GPR18: variants seen among roughly 807,000 people sequenced by gnomAD.
GPR18 encodes N-arachidonyl glycine receptor.
A neutral mutation model predicts 22.8 loss-of-function variants in GPR18; 20 were observed. That is an observed-to-expected ratio of 0.88 (90% CI 0.62 to 1.28). The LOEUF is 1.28. Among genes scored for constraint, GPR18 ranks in the 50% most tolerant of loss-of-function variants. The pLI is 0.00. For synonymous variants in GPR18, 160 were observed against 155.3 expected (o/e 1.03, Z -0.22); for missense variants, 379 against 412.0 (o/e 0.92, Z 0.69).
rs779593606 is a variant in GPR18 at position 99,255,228 on chromosome 13, A to G, written c.645T>C (p.Leu215=). ...GTTTCAGCTTAGACGTCCTGCCGTG[A>G]AGGAGATTATGAATAATGACCAAGT... is the stretch of plus-strand genomic sequence containing the variant. ...GCYLVIIHNL[L]HGRTSKLKPK... Residue 215 remains leucine, a synonymous_variant, in exon 2 of 2, where the codon CTT becomes CTC. Coordinates refer to ENST00000397470, the MANE Select transcript of GPR18 (RefSeq NM_001098200.2). 8.1e-6 allele frequency: 13 copies of G among 1,614,036 alleles called. No homozygotes were observed. Among genetic ancestry groups the G allele is most frequent in the African/African-American group, 1.3e-5 (1 of 74,912 alleles).
At position 99,254,988 on chromosome 13, in the gene GPR18, A is replaced by G; in HGVS notation, c.885T>C (p.Ala295=). ...LYYIVSKQFQ[A]RVISVMLYRN... Reference sequence around the variant, plus strand: ...GGTATAGCATGACACTAATGACTCGAGCCTGAAATTGTTTTGAAACGATGT... The same window carrying G: ...GGTATAGCATGACACTAATGACTCGGGCCTGAAATTGTTTTGAAACGATGT... Residue 295 remains alanine (A), a synonymous_variant, in exon 2 of 2, where the codon GCT becomes GCC. Transcript: ENST00000397470. The G allele has an allele frequency of 6.2e-7, 1 of 1,614,128 alleles. No individual in the cohort carries two copies. Among genetic ancestry groups the G allele is most frequent in the Non-Finnish European group, 8.5e-7 (1 of 1,180,022 alleles).
In GPR18 at chr13:99,255,891, G is replaced by C. The variant is rs370686759; in HGVS notation, c.-19C>G. 3 of 1,513,950 alleles carry C rather than the reference G, an allele frequency of 2.0e-6. No homozygotes were observed. The highest frequency in any genetic ancestry group is 4.7e-5 in the Admixed American group (2 of 42,630). 93.8% of individuals were successfully genotyped at this position (1,513,950 alleles called of 1,614,324 possible). A position where few individuals can be genotyped will look rare whatever the true frequency, so the allele number is the denominator to read the frequency against. On this transcript the variant is annotated 5_prime_UTR_variant, in exon 2 of 2. Transcript: ENST00000397470. ...TGATCATTTTACAGCTTGTTGGTAG[G>C]CATGATACTTAGAAACTGTAAAAAT...
Position 99,254,754 on chromosome 13 carries a change from A to G in GPR18, c.*123T>C. The G allele has an allele frequency of 1.4e-6, 1 of 723,584 alleles. No homozygotes were observed. The highest frequency in any genetic ancestry group is 2.2e-6 in the Non-Finnish European group (1 of 452,104). 44.8% of individuals were successfully genotyped at this position (723,584 alleles called of 1,614,324 possible). On this transcript the variant is annotated 3_prime_UTR_variant, in exon 2 of 2. Coordinates refer to ENST00000397470, the MANE Select transcript of GPR18 (RefSeq NM_001098200.2). Reference sequence around the variant, plus strand: ...ATGTTTTATATAAGTTTTTAAAATGAAGATAATGAATTTATTTTTTCAAGA... The same window carrying G: ...ATGTTTTATATAAGTTTTTAAAATGGAGATAATGAATTTATTTTTTCAAGA...
At position 99,255,191 on chromosome 13, in the gene GPR18, C is replaced by G; in HGVS notation, c.682G>C (p.Glu228Gln). 1 of 1,614,014 alleles carries G rather than the reference C, an allele frequency of 6.2e-7. No individual in the cohort carries two copies. Among genetic ancestry groups the G allele is most frequent in the Middle Eastern group, 1.6e-4 (1 of 6,062 alleles). Residue 228 changes from glutamate to glutamine, a missense_variant, in exon 2 of 2, where the codon GAG (glutamate) becomes CAG (glutamine). By Grantham distance (29) the Glu-to-Gln change is conservative. Transcript: ENST00000397470. Reference protein sequence around the residue: ...RTSKLKPKVKEKSIRIIITLL... With the variant: ...RTSKLKPKVKQKSIRIIITLL... ...GTGATGATGATCCTTATGGACTTCT[C>G]CTTGACTTTGGGTTTCAGCTTAGAC...
rs2043537426 is a variant in GPR18 at position 99,255,580 on chromosome 13, C to T, written c.293G>A (p.Gly98Glu). The T allele has an allele frequency of 1.2e-6, 2 of 1,614,096 alleles. No individual in the cohort carries two copies. Among genetic ancestry groups the T allele is most frequent in the Middle Eastern group, 1.6e-4 (1 of 6,062 alleles). The change falls in exon 2 of 2, where the codon GGA becomes GAA. Residue 98 changes from glycine (G) to glutamate (E), a missense_variant. Gly to Glu is a moderately conservative substitution (Grantham distance 98). Coordinates refer to ENST00000397470, the MANE Select transcript of GPR18 (RefSeq NM_001098200.2). ...PFGEYFCQIL[G>E]ALTVFYPSIA... ...GCTTGGGTAAAACACTGTGAGAGCT[C>T]CAAGAATCTGGCAGAAGTACTCTCC... is the stretch of plus-strand genomic sequence containing the variant.
chr13:99,254,898 A>G lies in GPR18; in HGVS notation c.975T>C (p.Asn325=), dbSNP rs567962939. Residue 325 remains asparagine, a synonymous_variant, in exon 2 of 2, where the codon AAT becomes AAC. Transcript: ENST00000397470. ...TTATTCATAACATTTCACTGTTTAT[A>G]TTGCTTAGTGACCGTAGACTACCAG... ...FRSGSLRSLS[N]INSEML is the part of the protein sequence containing the mutation. 3.2e-5 allele frequency: 51 copies of G among 1,613,372 alleles called. No individual in the cohort carries two copies. In the South Asian group the frequency reaches 4.5e-4, roughly 14 times the overall value.
chr13:99,256,862 T>C (rs896054092), intron 1 of GPR18, among the ~76,000 whole-genome samples: 6 of 152,298 alleles, frequency 3.9e-5, no homozygotes, highest in African/African-American at 1.4e-4. Context: ...ATGGAATCTG[T>C]GGCATCCCCT....
chr13:99,257,197 T>A (rs937482623), intron 1 of GPR18, among the ~76,000 whole-genome samples: 29 of 152,152 alleles, frequency 1.9e-4, no homozygotes, highest in Non-Finnish European at 2.6e-4. Flanking sequence ...ACATATTAAA[T>A]TTTCCAAATA....
chr13:99,255,333 A>G lies in GPR18; in HGVS notation c.540T>C (p.Tyr180=), dbSNP rs777481240. ...ATCLKISDII[Y]LKAVNVLNLT... ...GGTTCAGCACGTTCACAGCTTTTAG[A>G]TAGATGATGTCAGAAATCTTGAGGC... Residue 180 remains tyrosine (Y), a synonymous_variant, in exon 2 of 2, where the codon TAT becomes TAC. Coordinates refer to ENST00000397470, the MANE Select transcript of GPR18 (RefSeq NM_001098200.2). 5 of 1,614,012 alleles carry G rather than the reference A, an allele frequency of 3.1e-6. No homozygotes were observed. The highest frequency in any genetic ancestry group is 3.3e-5 in the Admixed American group (2 of 60,004).
intron 1 of GPR18, among the ~76,000 whole-genome samples, chr13:99,256,975 G>A (rs1469151302): frequency 2.0e-5 from 3 of 152,128 alleles, no homozygotes; most frequent in African/African-American, 7.2e-5. Flanking sequence ...AAACTATGGG[G>A]GAGATTTGCT....
At chr13:99,257,397 A>G (rs1566472501) in intron 1 of GPR18, among the ~76,000 whole-genome samples, 1 of 152,118 alleles carries the variant, frequency 6.6e-6, no homozygotes, top group Non-Finnish European at 1.5e-5. Flanking sequence ...TTTTTTTAGT[A>G]TTGCATCAGG....
chr13:99,255,930 A>G (rs753500305), intron 1 of GPR18, 24 bp from the exon 2 acceptor site: 6 of 1,455,000 alleles, frequency 4.1e-6, no homozygotes, highest in Non-Finnish European at 5.5e-6. Flanking sequence ...TAAGAAAAAT[A>G]AGAATAAAAT....
rs1333859859 is a variant in GPR18 at position 99,255,201 on chromosome 13, G to A, written c.672C>T (p.Pro224=). The change falls in exon 2 of 2, where the codon CCC becomes CCT. Residue 224 remains proline, a synonymous_variant. Coordinates refer to ENST00000397470, the MANE Select transcript of GPR18 (RefSeq NM_001098200.2). ...TCCTTATGGACTTCTCCTTGACTTT[G>A]GGTTTCAGCTTAGACGTCCTGCCGT... The part of the protein sequence containing the change: ...LLHGRTSKLK[P]KVKEKSIRII... 3.1e-6 allele frequency: 5 copies of A among 1,613,936 alleles called. No homozygotes were observed. The African/African-American group carries it at 5.3e-5, about 17-fold the overall frequency.
chr13:99,257,756 A>G (rs1404183019), intron 1 of GPR18, among the ~76,000 whole-genome samples: 1 of 152,238 alleles, frequency 6.6e-6, no homozygotes, highest in Non-Finnish European at 1.5e-5. Flanking sequence ...AAAACATGTG[A>G]TGAACATTCC....
intron 1 of GPR18, among the ~76,000 whole-genome samples, chr13:99,257,373 TG>T (rs1172033968): frequency 1.3e-5 from 2 of 152,218 alleles, no homozygotes; most frequent in Admixed American, 6.5e-5. Context: ...AATGAAATTT[TG>T]TATTTGTTTT....
rs374546166 is a variant in GPR18 at position 99,255,504 on chromosome 13, A to G, written c.369T>C (p.Ile123=). ...GTTCTTTGGCGTACTTCGGCTGTACAATGGCCATGTATCTGTCAGCACTAA... is the reference window on the plus strand; with the variant it reads ...GTTCTTTGGCGTACTTCGGCTGTACGATGGCCATGTATCTGTCAGCACTAA... ...AFISADRYMA[I]VQPKYAKELK... is the part of the protein sequence containing the mutation. Residue 123 remains isoleucine, a synonymous_variant, in exon 2 of 2, where the codon ATT becomes ATC. Coordinates refer to ENST00000397470, the MANE Select transcript of GPR18 (RefSeq NM_001098200.2). The G allele has an allele frequency of 2.5e-4, 398 of 1,614,008 alleles. No individual in the cohort carries two copies. The highest frequency in any genetic ancestry group is 3.3e-4 in the Middle Eastern group (2 of 6,084).
At position 99,255,186 on chromosome 13, in the gene GPR18, C is replaced by G; in HGVS notation, c.687G>C (p.Lys229Asn). The stretch of plus-strand genomic sequence containing the variant: ...GCAGCGTGATGATGATCCTTATGGA[C>G]TTCTCCTTGACTTTGGGTTTCAGCT... ...TSKLKPKVKEKSIRIIITLLV... is the reference protein window; with the variant it reads ...TSKLKPKVKENSIRIIITLLV... Residue 229 changes from lysine to asparagine, a missense_variant, in exon 2 of 2, where the codon AAG becomes AAC. By Grantham distance (94) the Lys-to-Asn change is moderately conservative (BLOSUM62 0). Coordinates refer to ENST00000397470, the MANE Select transcript of GPR18 (RefSeq NM_001098200.2). The G allele has an allele frequency of 6.2e-7, 1 of 1,614,076 alleles. No homozygotes were observed. The highest frequency in any genetic ancestry group is 8.5e-7 in the Non-Finnish European group (1 of 1,180,018).
chr13:99,255,658 A>G lies in GPR18; in HGVS notation c.215T>C (p.Ile72Thr). 4 of 1,614,118 alleles carry G rather than the reference A, an allele frequency of 2.5e-6. No individual in the cohort carries two copies. Among genetic ancestry groups the G allele is most frequent in the Non-Finnish European group, 3.4e-6 (4 of 1,179,978 alleles). Residue 72 changes from isoleucine (I) to threonine (T), a missense_variant, in exon 2 of 2, where the codon ATA becomes ACA. Physicochemically the swap from Ile to Thr is moderately conservative, Grantham distance 89 (BLOSUM62 -1). Transcript: ENST00000397470. ...AAACATTCGAAAGGGTAAAGTCATT[A>G]TAAATATCAAGTCCACTAATGCCAC... ...MNVALVDLIF[I>T]MTLPFRMFYY... is the part of the protein sequence containing the mutation.
intron 1 of GPR18, among the ~76,000 whole-genome samples, chr13:99,257,699 T>C (rs1423623250): frequency 1.3e-5 from 2 of 152,224 alleles, no homozygotes; most frequent in Non-Finnish European, 1.5e-5. Context: ...TCTGTAGCTT[T>C]TCTTTTCTTA....
Sources: allele counts gnomAD v4.1 joint callset (sites outside exome capture counted in the v4.1 genomes callset), GRCh38; gene constraint gnomAD v4.1.1; transcripts MANE v1.5; gene names NCBI Gene and HGNC (gene_info 2026-07-23, HGNC 2026-07-21).